MOXD1: variants seen among roughly 807,000 people sequenced by gnomAD.
MOXD1 encodes the protein DBH-like monooxygenase protein 1.
Under a neutral mutation model 66.6 loss-of-function variants are expected in MOXD1, and 62 were observed. The ratio of observed to expected loss-of-function variants is 0.93; its 90% CI spans 0.76 to 1.15. MOXD1 has a LOEUF of 1.15. MOXD1 is among the 50% of genes most tolerant of loss of function. MOXD1 has a pLI of 0.00. For missense variants in MOXD1, 847 were observed against 754.6 expected, an observed-to-expected ratio of 1.12 and a Z score of -1.44; for synonymous variants, 303 against 281.9, an observed-to-expected ratio of 1.07 and a Z score of -0.75.
intron 4 of MOXD1, among the ~76,000 whole-genome samples, chr6:132,341,911 AG>A (rs1248257484): frequency 2.0e-5 from 3 of 152,352 alleles, no homozygotes; most frequent in African/African-American, 7.2e-5. Flanking sequence ...TTGGAATCCA[AG>A]GTCTGCCCCT....
intron 1 of MOXD1, among the ~76,000 whole-genome samples, chr6:132,377,658 A>T (rs1367502995): frequency 6.6e-6 from 1 of 152,214 alleles, no homozygotes; most frequent in Non-Finnish European, 1.5e-5. Flanking sequence ...GTGAGTGCTT[A>T]ATATTTAGAA....
chr6:132,310,795 A>G (rs1774810415), intron 10 of MOXD1, among the ~76,000 whole-genome samples: 1 of 152,076 alleles, frequency 6.6e-6, no homozygotes, highest in Admixed American at 6.6e-5. Context: ...GAGTTGAACA[A>G]TGAGAACGCA....
chr6:132,325,306 C>T (rs962088435), intron 6 of MOXD1, among the ~76,000 whole-genome samples: 1 of 152,192 alleles, frequency 6.6e-6, no homozygotes, highest in Non-Finnish European at 1.5e-5. Flanking sequence ...TGAGTTATGT[C>T]ACCTGGGGCA....
chr6:132,398,520 C>A (rs913526846), intron 1 of MOXD1, among the ~76,000 whole-genome samples: 4 of 152,148 alleles, frequency 2.6e-5, no homozygotes, highest in Non-Finnish European at 5.9e-5. Flanking sequence ...GGCTGCTGTG[C>A]ATTTATTGAT....
chr6:132,322,776 C>G lies in MOXD1; in HGVS notation c.1208G>C (p.Arg403Pro). 1.2e-6 allele frequency: 2 copies of G among 1,614,024 alleles called. No individual in the cohort carries two copies. Among genetic ancestry groups the G allele is most frequent in the Non-Finnish European group, 1.7e-6 (2 of 1,179,950 alleles). The change falls in exon 8 of 12, where the codon CGA (arginine) becomes CCA (proline). Residue 403 changes from arginine (R) to proline (P), a missense_variant. Arg to Pro is a moderately radical substitution (Grantham distance 103). Transcript: ENST00000367963. ...AGRGIRLRHFRKGKEMKLLAY... is the reference protein window; with the variant it reads ...AGRGIRLRHFPKGKEMKLLAY... Reference sequence around the variant, plus strand: ...AAGTAATTTCATTTCCTTCCCTTTTCGAAAATGACGCAGCCTGATGCCTCT... The same window carrying G: ...AAGTAATTTCATTTCCTTCCCTTTTGGAAAATGACGCAGCCTGATGCCTCT...
At chr6:132,368,530 C>T (rs1013103476) in intron 4 of MOXD1, among the ~76,000 whole-genome samples, 15 of 151,966 alleles carry the variant, frequency 9.9e-5, no homozygotes, top group East Asian at 3.8e-4. Context: ...AGATCACAAA[C>T]GAGTTTCAAC....
At chr6:132,379,000 G>A (rs901033270) in intron 1 of MOXD1, among the ~76,000 whole-genome samples, 10 of 140,078 alleles carry the variant, frequency 7.1e-5, no homozygotes, top group Admixed American at 2.3e-4. Flanking sequence ...TGCAACCTCC[G>A]CCTCCTGGGT....
In MOXD1 at chr6:132,320,795, A is replaced by C. The variant is rs1213916541; in HGVS notation, c.1306-107T>G. On this transcript the variant is annotated intron_variant, in intron 8 of 11. Transcript: ENST00000367963. ...TATTTGCTGTATGAATGGATGCGCCAAGTAATTTCATTCAGCAGAAGACCC... is the reference window on the plus strand; with the variant it reads ...TATTTGCTGTATGAATGGATGCGCCCAGTAATTTCATTCAGCAGAAGACCC... The C allele has an allele frequency of 1.0e-5, 9 of 882,834 alleles. No individual in the cohort carries two copies. In the South Asian group the frequency reaches 1.2e-4, roughly 12 times the overall value. The allele number at this position is 882,834 out of a possible 1,614,324, so 54.7% of individuals were successfully genotyped here.
intron 1 of MOXD1, among the ~76,000 whole-genome samples, chr6:132,400,444 C>T (rs2114705335): frequency 6.6e-6 from 1 of 152,036 alleles, no homozygotes; most frequent in South Asian, 2.1e-4. Context: ...TAGTAAAGCA[C>T]CCATGAACAG....
At chr6:132,306,693 T>C (rs556505300) in intron 10 of MOXD1, among the ~76,000 whole-genome samples, 5 of 152,062 alleles carry the variant, frequency 3.3e-5, no homozygotes, top group East Asian at 3.9e-4. Context: ...CCAGAAGAGA[T>C]TGGGGGCCAA....
chr6:132,393,147 A>AGTCAGTGT (rs1418350452), intron 1 of MOXD1, among the ~76,000 whole-genome samples: 5 of 123,144 alleles, frequency 4.1e-5, no homozygotes, highest in African/African-American at 1.7e-4. Flanking sequence ...TTGTGAGTGG[A>AGTCAGTGT]GTGAGTGTGT....
chr6:132,322,606 C>A, intron 8 of MOXD1, 73 bp downstream of exon 8: 1 of 1,457,264 alleles, frequency 6.9e-7, no homozygotes, highest in Non-Finnish European at 9.3e-7. Context: ...CTAGTAGAAA[C>A]CTTGCCACAT....
intron 10 of MOXD1, among the ~76,000 whole-genome samples, chr6:132,304,443 C>T (rs2114533138): frequency 6.6e-6 from 1 of 152,288 alleles, no homozygotes; most frequent in Admixed American, 6.5e-5. Context: ...TCCTTCAATG[C>T]TTTAGCCTTG....
Position 132,336,240 on chromosome 6 carries a change from T to C in MOXD1, c.664-7646A>G, listed in dbSNP as rs77379962. Among the ~76,000 whole-genome samples the C allele has an allele frequency of 3.6e-3, 552 of 152,346 alleles. 2 individuals carry two copies. Among genetic ancestry groups the C allele is most frequent in the African/African-American group, 0.012 (512 of 41,582 alleles). ...AATTCCCATCACTTTTCTTCCTGCC[T>C]GTTCTTGTTCCTGGCACCCAGCTTT... is the stretch of plus-strand genomic sequence containing the variant. On this transcript the variant is annotated intron_variant, in intron 4 of 11. Coordinates refer to ENST00000367963, the MANE Select transcript of MOXD1 (RefSeq NM_015529.4).
intron 4 of MOXD1, among the ~76,000 whole-genome samples, chr6:132,359,830 T>A (rs1167601958): frequency 6.6e-6 from 1 of 152,046 alleles, no homozygotes; most frequent in East Asian, 1.9e-4. Flanking sequence ...CACACAGGAG[T>A]AATACTCAAG....
intron 10 of MOXD1, among the ~76,000 whole-genome samples, chr6:132,313,065 TTTA>T (rs919888305): frequency 9.5e-5 from 4 of 42,186 alleles, no homozygotes; most frequent in Non-Finnish European, 1.4e-4. Flanking sequence ...TTTTTGTTGT[TTTA>T]ATTTGTTTAC....
chr6:132,324,197 G>T, intron 6 of MOXD1, 100 bp from the exon 7 acceptor site: 1 of 1,160,262 alleles, frequency 8.6e-7, no homozygotes. Flanking sequence ...TTCATATTCT[G>T]TTGAAATAGG....
chr6:132,367,192 T>C lies in MOXD1; in HGVS notation c.663+5416A>G, dbSNP rs9483439. Among the ~76,000 whole-genome samples, 1,232 of 152,068 alleles carry C rather than the reference T, an allele frequency of 8.1e-3. 21 individuals are homozygous for C. The highest frequency in any genetic ancestry group is 0.028 in the African/African-American group (1,172 of 41,502). On this transcript the variant is annotated intron_variant, in intron 4 of 11. Coordinates refer to ENST00000367963, the MANE Select transcript of MOXD1 (RefSeq NM_015529.4). ...TAAATGAAGTGATGGACAAACTAGGTTTTCTTTGGAACTCTGACTGCCTAG... is the reference window on the plus strand; with the variant it reads ...TAAATGAAGTGATGGACAAACTAGGCTTTCTTTGGAACTCTGACTGCCTAG...
intron 6 of MOXD1, among the ~76,000 whole-genome samples, chr6:132,326,654 T>C (rs1775193483): frequency 6.6e-6 from 1 of 152,212 alleles, no homozygotes; most frequent in Admixed American, 6.5e-5. Context: ...TTAGAATTTA[T>C]TAATAGGTTA....
Sources: gnomAD v4.1 joint callset for allele counts (sites outside exome capture counted in the v4.1 genomes callset) on GRCh38, gnomAD v4.1.1 for gene constraint, MANE v1.5 for transcripts, NCBI Gene and HGNC (gene_info 2026-07-23, HGNC 2026-07-21) for gene names.